The following OR11G2 variants were observed in gnomAD, a reference collection of about 807,000 sequenced individuals.
The protein encoded by OR11G2 is olfactory receptor 11G2.
OR11G2 carries 2 observed loss-of-function variants against 0.9 expected under a neutral mutation model. The observed-to-expected ratio is 2.35, with a 90% confidence interval of 0.96 to 7.38. The LOEUF (loss-of-function observed/expected upper bound fraction) is 7.38. Among genes scored for constraint, OR11G2 ranks in the 30% most tolerant of loss-of-function variants. The pLI is 0.05. For synonymous variants in OR11G2, 153 were observed against 142.0 expected (o/e 1.08, Z -0.55); for missense variants, 395 against 371.3 (o/e 1.06, Z -0.52).
intron 1 of OR11G2, chr14:20,197,187 G>T: frequency 1.7e-6 from 1 of 581,754 alleles, no homozygotes. Context: ...ATCAATTTTG[G>T]TCAAAAGTTT....
rs942248032 is a variant in OR11G2, at chr14:20,198,958, A to T, written c.*585A>T. ...ATGAAGGTTTTGTTCTAGCAAGTAG[A>T]TGGAGTAGAGGCAGATCACATTGAT... is the stretch of plus-strand genomic sequence containing the variant. On this transcript the variant is annotated 3_prime_UTR_variant, in exon 2 of 2. Transcript: ENST00000641879. 2 of 152,300 alleles carry T rather than the reference A, an allele frequency of 1.3e-5. No homozygotes were observed. The highest frequency in any genetic ancestry group is 2.9e-5 in the Non-Finnish European group (2 of 68,108). The allele number at this position is 152,300 out of a possible 1,614,324, so 9.4% of individuals were successfully genotyped here. A position where few individuals can be genotyped will look rare whatever the true frequency, so the allele number is the denominator to read the frequency against.
At chr14:20,192,851 C>T (rs1249946367) in intron 1 of OR11G2, among the ~76,000 whole-genome samples, 1 of 152,074 alleles carries the variant, frequency 6.6e-6, no homozygotes, top group Non-Finnish European at 1.5e-5. Flanking sequence ...CCTGAAAGTA[C>T]CCGGCTGTTT....
chr14:20,193,409 T>C (rs951259142), intron 1 of OR11G2, among the ~76,000 whole-genome samples: 10 of 152,178 alleles, frequency 6.6e-5, no homozygotes, highest in Non-Finnish European at 1.5e-4. Context: ...AGTTCCTCTC[T>C]GTTTCTAACA....
At chr14:20,193,724 G>T (rs572425098) in intron 1 of OR11G2, among the ~76,000 whole-genome samples, 8 of 152,266 alleles carry the variant, frequency 5.3e-5, no homozygotes, top group African/African-American at 1.4e-4. Context: ...ATTATGTATG[G>T]TTGCATTTGC....
rs2139113886 is a variant in OR11G2, at chr14:20,197,754, A to C, written c.317A>C (p.Tyr106Ser). 6.2e-7 allele frequency: 1 copy of C among 1,613,760 alleles called. No homozygotes were observed. The change falls in exon 2 of 2, where the codon TAC becomes TCC. Residue 106 changes from tyrosine (Y) to serine (S), a missense_variant. Coordinates refer to ENST00000641879, the MANE Select transcript of OR11G2 (RefSeq NM_001386033.1). ...TTCTCTGGCTGCTTCCTCCAGTTCTACTTTTTCTTCTCCTTGGGCTCTACA... is the reference window on the plus strand; with the variant it reads ...TTCTCTGGCTGCTTCCTCCAGTTCTCCTTTTTCTTCTCCTTGGGCTCTACA... ...ISFSGCFLQFYFFFSLGSTEC... is the reference protein window; with the variant it reads ...ISFSGCFLQFSFFFSLGSTEC...
intron 1 of OR11G2, among the ~76,000 whole-genome samples, chr14:20,196,137 T>C (rs142766660): frequency 0.04 from 6,111 of 152,302 alleles, 164 homozygotes; most frequent in Non-Finnish European, 0.049. Context: ...TTGTCTCTGG[T>C]AATTTTACCT....
chr14:20,195,416 T>G (rs1879732440), intron 1 of OR11G2, among the ~76,000 whole-genome samples: 1 of 152,214 alleles, frequency 6.6e-6, no homozygotes. Context: ...GGCTTGTGCC[T>G]GTAATCCCAG....
rs1879813429 is a variant in OR11G2, at chr14:20,198,103, T to C, written c.666T>C (p.Tyr222=). ...FMLFLFIVGS[Y]ALVVRAVLRV... is the part of the protein sequence containing the mutation. Reference sequence around the variant, plus strand: ...TCTTTCTCTTCATTGTGGGGTCCTATGCTCTGGTCGTGAGAGCTGTGTTGA... The same window carrying C: ...TCTTTCTCTTCATTGTGGGGTCCTACGCTCTGGTCGTGAGAGCTGTGTTGA... Residue 222 remains tyrosine, a synonymous_variant, in exon 2 of 2, where the codon TAT becomes TAC. Coordinates refer to ENST00000641879, the MANE Select transcript of OR11G2 (RefSeq NM_001386033.1). 1.9e-6 allele frequency: 3 copies of C among 1,614,046 alleles called. No individual in the cohort carries two copies. In the African/African-American group the frequency reaches 4.0e-5, roughly 22 times the overall value.
chr14:20,197,364 A>C, intron 1 of OR11G2, 70 bp from the exon 2 acceptor site: 1 of 1,572,116 alleles, frequency 6.4e-7, no homozygotes, highest in Non-Finnish European at 8.6e-7. Context: ...AATGATTTAA[A>C]TATAAATCTG....
rs1382019907 is a variant in OR11G2, at chr14:20,198,595, G to A, written c.*222G>A. 1.0e-5 allele frequency: 3 copies of A among 294,444 alleles called. No individual in the cohort carries two copies. The highest frequency in any genetic ancestry group is 1.9e-5 in the Non-Finnish European group (3 of 158,198). 18.2% of individuals were successfully genotyped at this position (294,444 alleles called of 1,614,324 possible). A position where few individuals can be genotyped will look rare whatever the true frequency, so the allele number is the denominator to read the frequency against. On this transcript the variant is annotated 3_prime_UTR_variant, in exon 2 of 2. Coordinates refer to ENST00000641879, the MANE Select transcript of OR11G2 (RefSeq NM_001386033.1). ...ATACAAAAAATTAGCCGGGCGTGGTGGCGGACGCCTGTAGTCCCAGCTACT... is the reference window on the plus strand; with the variant it reads ...ATACAAAAAATTAGCCGGGCGTGGTAGCGGACGCCTGTAGTCCCAGCTACT...
In OR11G2 at chr14:20,197,929, C is replaced by T. The variant is rs771889157; in HGVS notation, c.492C>T (p.Ile164=). 9 of 1,614,012 alleles carry T rather than the reference C, an allele frequency of 5.6e-6. No homozygotes were observed. Among genetic ancestry groups the T allele is most frequent in the South Asian group, 1.1e-5 (1 of 91,072 alleles). Residue 164 remains isoleucine, a synonymous_variant, in exon 2 of 2, where the codon ATC becomes ATT. Coordinates refer to ENST00000641879, the MANE Select transcript of OR11G2 (RefSeq NM_001386033.1). Reference sequence around the variant, plus strand: ...GTTTCATCTGGTTCTTGATTCCTATCGTCAACATCTCCCAAATGTCCTTCT... The same window carrying T: ...GTTTCATCTGGTTCTTGATTCCTATTGTCAACATCTCCCAAATGTCCTTCT... The part of the protein sequence containing the change: ...VLGFIWFLIP[I]VNISQMSFCG...
chr14:20,197,814 G>T lies in OR11G2; in HGVS notation c.377G>T (p.Arg126Leu), dbSNP rs762702987. Residue 126 changes from arginine to leucine, a missense_variant, in exon 2 of 2, where the codon CGA becomes CTA. By Grantham distance (102) the Arg-to-Leu change is moderately radical. Coordinates refer to ENST00000641879, the MANE Select transcript of OR11G2 (RefSeq NM_001386033.1). Reference sequence around the variant, plus strand: ...TTCCTGGCAGTTATGGCATTTGATCGATACCTTGCCATCTGTCGGCCTCTA... The same window carrying T: ...TTCCTGGCAGTTATGGCATTTGATCTATACCTTGCCATCTGTCGGCCTCTA... ...CFFLAVMAFD[R>L]YLAICRPLRY... The T allele has an allele frequency of 3.7e-6, 6 of 1,613,832 alleles. No homozygotes were observed. Among genetic ancestry groups the T allele is most frequent in the African/African-American group, 1.3e-5 (1 of 74,836 alleles).
chr14:20,195,368 T>A (rs1879731394), intron 1 of OR11G2, among the ~76,000 whole-genome samples: 1 of 152,074 alleles, frequency 6.6e-6, no homozygotes, highest in Non-Finnish European at 1.5e-5. Context: ...GACATGAAAC[T>A]TATCTATACT....
Position 20,197,617 on chromosome 14 carries a change from C to A in OR11G2, c.180C>A (p.His60Gln), listed in dbSNP as rs141405214. The change falls in exon 2 of 2, where the codon CAC becomes CAA. Residue 60 changes from histidine to glutamine, a missense_variant. By Grantham distance (24) the His-to-Gln change is conservative. Coordinates refer to ENST00000641879, the MANE Select transcript of OR11G2 (RefSeq NM_001386033.1). ...CTGTGCACTGGGATCAGAGACTCCA[C>A]GCCCCCATGTACATCCTGCTCGCCA... is the stretch of plus-strand genomic sequence containing the variant. Reference protein sequence around the residue: ...ICAVHWDQRLHAPMYILLANF... With the variant: ...ICAVHWDQRLQAPMYILLANF... 6.2e-7 allele frequency: 1 copy of A among 1,614,136 alleles called. No individual in the cohort carries two copies. Among genetic ancestry groups the A allele is most frequent in the East Asian group, 2.2e-5 (1 of 44,882 alleles).
Position 20,198,520 on chromosome 14 carries a change from A to T in OR11G2, c.*147A>T. Reference sequence around the variant, plus strand: ...GAGGCGGGTGGATCACGAGGTCAGGAGATCAAGACCACCCTGGCTAACACG... The same window carrying T: ...GAGGCGGGTGGATCACGAGGTCAGGTGATCAAGACCACCCTGGCTAACACG... On this transcript the variant is annotated 3_prime_UTR_variant, in exon 2 of 2. Coordinates refer to ENST00000641879, the MANE Select transcript of OR11G2 (RefSeq NM_001386033.1). 2 of 587,042 alleles carry T rather than the reference A, an allele frequency of 3.4e-6. No individual in the cohort carries two copies. Among genetic ancestry groups the T allele is most frequent in the South Asian group, 2.1e-5 (1 of 46,896 alleles). 36.4% of individuals were successfully genotyped at this position (587,042 alleles called of 1,614,324 possible).
rs191618369 is a variant in OR11G2, at chr14:20,199,222, C to G, written c.*849C>G. The stretch of plus-strand genomic sequence containing the variant: ...TTTAGACTCTCAGCTTTTGTTTCTG[C>G]TAGCTATTTTGGGGTCTCACCGTGT... On this transcript the variant is annotated 3_prime_UTR_variant, in exon 2 of 2. Coordinates refer to ENST00000641879, the MANE Select transcript of OR11G2 (RefSeq NM_001386033.1). 6.6e-6 allele frequency: 1 copy of G among 152,200 alleles called. No homozygotes were observed. Among genetic ancestry groups the G allele is most frequent in the Non-Finnish European group, 1.5e-5 (1 of 68,042 alleles). 9.4% of individuals were successfully genotyped at this position (152,200 alleles called of 1,614,324 possible).
chr14:20,192,477 T>A (rs1879672763), intron 1 of OR11G2, among the ~76,000 whole-genome samples: 1 of 152,192 alleles, frequency 6.6e-6, no homozygotes, highest in South Asian at 2.1e-4. Flanking sequence ...ACAATAATTA[T>A]CTTTAGCAGT....
At chr14:20,193,597 A>G (rs1879697104) in intron 1 of OR11G2, among the ~76,000 whole-genome samples, 1 of 152,224 alleles carries the variant, frequency 6.6e-6, no homozygotes, top group Non-Finnish European at 1.5e-5. Context: ...TACATTTTTA[A>G]TATGTTTAAA....
At chr14:20,196,341 C>T (rs1300600480) in intron 1 of OR11G2, among the ~76,000 whole-genome samples, 1 of 152,188 alleles carries the variant, frequency 6.6e-6, no homozygotes, top group Non-Finnish European at 1.5e-5. Context: ...TCCTGGGTCC[C>T]TGTGCCAACT....
Sources: allele counts gnomAD v4.1 joint callset (sites outside exome capture counted in the v4.1 genomes callset), GRCh38; gene constraint gnomAD v4.1.1; transcripts MANE v1.5; gene names NCBI Gene and HGNC (gene_info 2026-07-23, HGNC 2026-07-21).